PDE8B: variants seen among roughly 807,000 people sequenced by gnomAD.
PDE8B encodes high affinity cAMP-specific and IBMX-insensitive 3',5'-cyclic phosphodiesterase 8B.
PDE8B carries 26 observed loss-of-function variants against 101.3 expected under a neutral mutation model. That is an observed-to-expected ratio of 0.26 (90% CI 0.19 to 0.36). The LOEUF is 0.36. Ranked by LOEUF, PDE8B falls within the 10% of genes least tolerant of loss-of-function variation. PDE8B has a pLI of 1.00. For synonymous variants in PDE8B, 424 were observed against 429.3 expected, an observed-to-expected ratio of 0.99 and a Z score of 0.15; for missense variants, 810 against 1,163.1, an observed-to-expected ratio of 0.70 and a Z score of 4.42.
At chr5:77,407,945 A>G (rs762410087) in intron 13 of PDE8B, among the ~76,000 whole-genome samples, 4 of 152,158 alleles carry the variant, frequency 2.6e-5, no homozygotes, top group Non-Finnish European at 4.4e-5. Context: ...GCAGGGACAT[A>G]GTTAGGAGTT....
intron 1 of PDE8B, among the ~76,000 whole-genome samples, chr5:77,262,948 C>A (rs550998739): frequency 6.6e-5 from 10 of 152,224 alleles, no homozygotes; most frequent in Admixed American, 2.0e-4. Context: ...ATATCCTCAA[C>A]TGAGGACTCC....
At chr5:77,305,595 G>T (rs1397476750) in intron 1 of PDE8B, among the ~76,000 whole-genome samples, 2 of 152,186 alleles carry the variant, frequency 1.3e-5, no homozygotes, top group Non-Finnish European at 2.9e-5. Flanking sequence ...TCACCTAGAG[G>T]CTGCAGGGCC....
intron 1 of PDE8B, among the ~76,000 whole-genome samples, chr5:77,308,453 G>A (rs1018354781): frequency 3.9e-5 from 6 of 152,134 alleles, no homozygotes; most frequent in Admixed American, 1.3e-4. Flanking sequence ...CAGGGGTTTG[G>A]AGAATGTCCC....
At chr5:77,218,636 CCTT>C (rs1260977722) in intron 1 of PDE8B, among the ~76,000 whole-genome samples, 5 of 152,140 alleles carry the variant, frequency 3.3e-5, no homozygotes, top group African/African-American at 4.8e-5. Flanking sequence ...CACTGTCACC[CCTT>C]CTATTAACTT....
the PDE8B span, chr5:77,118,310 G>GTTGTTT: frequency 2.5e-6 from 1 of 398,498 alleles, no homozygotes; most frequent in Non-Finnish European, 4.4e-6. Flanking sequence ...TGTTGTTGTT[G>GTTGTTT]TTGTTGCAGG....
chr5:77,268,411 A>C (rs370368528), intron 1 of PDE8B, among the ~76,000 whole-genome samples: 1 of 152,130 alleles, frequency 6.6e-6, no homozygotes, highest in Non-Finnish European at 1.5e-5. Flanking sequence ...GTTGTTGACT[A>C]TAATCACCCT....
At position 77,258,823 on chromosome 5, in the gene PDE8B, G is replaced by A. The variant is rs374673123; in HGVS notation, c.339+47559G>A. Among the ~76,000 whole-genome samples the A allele has an allele frequency of 3.9e-4, 59 of 152,162 alleles. No individual in the cohort carries two copies. In the East Asian group the frequency reaches 4.8e-3, roughly 12 times the overall value. On this transcript the variant is annotated intron_variant, in intron 1 of 21. Transcript: ENST00000264917. Reference sequence around the variant, plus strand: ...CCCTTGTCTTGGAAATTGCAACAGGGAAGAGCTAGCTGTGTGGTCTTTGTC... The same window carrying A: ...CCCTTGTCTTGGAAATTGCAACAGGAAAGAGCTAGCTGTGTGGTCTTTGTC...
chr5:77,172,544 A>G, the PDE8B span, among the ~76,000 whole-genome samples: 2 of 152,364 alleles, frequency 1.3e-5, no homozygotes, highest in South Asian at 4.1e-4. Flanking sequence ...TCCCTCAATC[A>G]TAACTAGTCA....
chr5:77,107,070 G>A, the PDE8B span, among the ~76,000 whole-genome samples: 1 of 151,632 alleles, frequency 6.6e-6, no homozygotes, highest in Non-Finnish European at 1.5e-5. Context: ...CCCTACGACA[G>A]GCCCCAGTGT....
chr5:77,166,226 TAAAA>T, the PDE8B span, among the ~76,000 whole-genome samples: 2 of 116,374 alleles, frequency 1.7e-5, no homozygotes, highest in Non-Finnish European at 3.5e-5. Flanking sequence ...TCGGTAAAGA[TAAAA>T]AAAAAAAAAA....
At chr5:77,312,363 C>T (rs1173049875) in intron 2 of PDE8B, among the ~76,000 whole-genome samples, 3 of 152,198 alleles carry the variant, frequency 2.0e-5, no homozygotes, top group Non-Finnish European at 4.4e-5. Flanking sequence ...CTCGGCCTCC[C>T]AGAGTGCTGG....
chr5:77,391,372 G>GCAGC (rs1789883062), intron 10 of PDE8B, among the ~76,000 whole-genome samples: 1 of 152,212 alleles, frequency 6.6e-6, no homozygotes, highest in African/African-American at 2.4e-5. Flanking sequence ...CCTGACGGCA[G>GCAGC]ATGCTGCTGC....
chr5:77,314,755 T>A (rs1773439501), intron 2 of PDE8B, among the ~76,000 whole-genome samples: 1 of 152,150 alleles, frequency 6.6e-6, no homozygotes, highest in African/African-American at 2.4e-5. Context: ...TTTAGCTTTT[T>A]AAGATACTTC....
At chr5:77,318,261 C>T (rs1774277977) in intron 2 of PDE8B, among the ~76,000 whole-genome samples, 1 of 152,098 alleles carries the variant, frequency 6.6e-6, no homozygotes, top group Non-Finnish European at 1.5e-5. Context: ...TTGCTGTGGT[C>T]AGCATTTCTT....
At position 77,273,805 on chromosome 5, in the gene PDE8B, TTTTTTTATTTATTTTTTA is replaced by T. The variant is rs1290084689; in HGVS notation, c.340-38178_340-38161del. On this transcript the variant is annotated intron_variant, in intron 1 of 21. Coordinates refer to ENST00000264917, the MANE Select transcript of PDE8B (RefSeq NM_003719.5). ...AACTTCCAGGTAGTTCCATCTGTTT[TTTTTTTATTTATTTTTTA>T]TTTTTTATTTTTTTTTGAGATGGAG... Among the ~76,000 whole-genome samples, 3 of 152,130 alleles carry T rather than the reference TTTTTTTATTTATTTTTTA, an allele frequency of 2.0e-5. No individual in the cohort carries two copies. The East Asian group carries it at 5.8e-4, about 29-fold the overall frequency.
In PDE8B at chr5:77,210,854, A is replaced by G; in HGVS notation, c.-72A>G. On this transcript the variant is annotated 5_prime_UTR_variant, in exon 1 of 22. Transcript: ENST00000264917. The surrounding 1 kb of genome is among the most constrained non-coding windows in gnomAD (Gnocchi z 4.9). ...GCCGCCGCGGCCGCCCCCTCACTGCAGGTGGCAGCGGGTGCGCTGGGTCCC... is the reference window on the plus strand; with the variant it reads ...GCCGCCGCGGCCGCCCCCTCACTGCGGGTGGCAGCGGGTGCGCTGGGTCCC... 1 of 1,131,726 alleles carries G rather than the reference A, an allele frequency of 8.8e-7. No individual in the cohort carries two copies. Among genetic ancestry groups the G allele is most frequent in the Non-Finnish European group, 1.1e-6 (1 of 927,990 alleles). The allele number at this position is 1,131,726 out of a possible 1,614,324, so 70.1% of individuals were successfully genotyped here.
intron 1 of PDE8B, among the ~76,000 whole-genome samples, chr5:77,235,512 T>C (rs1050390056): frequency 6.6e-6 from 1 of 152,190 alleles, no homozygotes; most frequent in Non-Finnish European, 1.5e-5. Flanking sequence ...TTCATTCATT[T>C]AGCTATACAA....
At chr5:77,330,209 T>C (rs1356399507) in intron 4 of PDE8B, among the ~76,000 whole-genome samples, 1 of 152,230 alleles carries the variant, frequency 6.6e-6, no homozygotes, top group Non-Finnish European at 1.5e-5. Context: ...CATAGAGTCT[T>C]GGACATCAAT....
At chr5:77,161,805 C>T in the PDE8B span, among the ~76,000 whole-genome samples, 7 of 152,116 alleles carry the variant, frequency 4.6e-5, no homozygotes, top group East Asian at 1.9e-4. Context: ...GTTTAATATT[C>T]GCCATTCTAG....
Sources: allele counts gnomAD v4.1 joint callset (sites outside exome capture counted in the v4.1 genomes callset), GRCh38; gene constraint gnomAD v4.1.1; non-coding constraint Gnocchi (gnomAD v3.1); transcripts MANE v1.5; gene names NCBI Gene and HGNC (gene_info 2026-07-23, HGNC 2026-07-21).